DGKB: variants seen among roughly 807,000 people sequenced by gnomAD.
DGKB encodes 90 kDa diacylglycerol kinase.
A neutral mutation model predicts 114.3 loss-of-function variants in DGKB; 67 were observed. The observed-to-expected ratio is 0.59, with a 90% confidence interval of 0.48 to 0.72. The LOEUF (loss-of-function observed/expected upper bound fraction) is 0.72, where lower values mean the gene tolerates loss of function less well. DGKB is among the 30% of genes least tolerant of loss of function. DGKB has a pLI of 0.00. For synonymous variants in DGKB, 398 were observed against 323.1 expected, an observed-to-expected ratio of 1.23 and a Z score of -2.49; for missense variants, 907 against 975.2, an observed-to-expected ratio of 0.93 and a Z score of 0.93.
intron 21 of DGKB, among the ~76,000 whole-genome samples, chr7:14,444,049 A>T (rs1162962044): frequency 6.6e-6 from 1 of 151,314 alleles, no homozygotes; most frequent in Non-Finnish European, 1.5e-5. Context: ...TCTATTGTGG[A>T]TTTTTTCTAA....
At chr7:14,941,615 T>C (rs1434400800) in intron 1 of DGKB, among the ~76,000 whole-genome samples, 1 of 152,038 alleles carries the variant, frequency 6.6e-6, no homozygotes, top group Non-Finnish European at 1.5e-5. Context: ...CTCAAACAAT[T>C]AATGAGGGTG....
At chr7:14,298,671 C>A (rs1038002895) in intron 23 of DGKB, among the ~76,000 whole-genome samples, 1 of 152,114 alleles carries the variant, frequency 6.6e-6, no homozygotes. Context: ...GCAATGGCAA[C>A]AAAAGCCAAA....
chr7:14,313,362 C>G (rs962302636), intron 23 of DGKB, among the ~76,000 whole-genome samples: 14 of 151,946 alleles, frequency 9.2e-5, no homozygotes, highest in Non-Finnish European at 1.6e-4. Flanking sequence ...TCTGAGGTAC[C>G]GGGTTCATCT....
intron 25 of DGKB, among the ~76,000 whole-genome samples, chr7:14,162,500 T>C (rs1784054193): frequency 6.6e-6 from 1 of 152,228 alleles, no homozygotes; most frequent in Admixed American, 6.5e-5. Flanking sequence ...ATTTCTCATT[T>C]AATTTTTAAC....
intron 25 of DGKB, among the ~76,000 whole-genome samples, chr7:14,159,846 T>C (rs1471683424): frequency 2.0e-5 from 3 of 152,044 alleles, no homozygotes; most frequent in Non-Finnish European, 4.4e-5. Context: ...CTAATTTTTG[T>C]ATTTTTAGTA....
intron 20 of DGKB, among the ~76,000 whole-genome samples, chr7:14,482,851 A>T (rs1783185262): frequency 6.6e-6 from 1 of 152,132 alleles, no homozygotes; most frequent in South Asian, 2.1e-4. Flanking sequence ...AATAGCCACA[A>T]GTGGGATTAT....
intron 1 of DGKB, among the ~76,000 whole-genome samples, chr7:14,963,564 T>C (rs1786981833): frequency 6.6e-6 from 1 of 152,196 alleles, no homozygotes; most frequent in African/African-American, 2.4e-5. Flanking sequence ...ATCAGGTGTT[T>C]CCTTAAAAGT....
intron 23 of DGKB, among the ~76,000 whole-genome samples, chr7:14,178,506 C>T (rs1295881952): frequency 6.6e-6 from 1 of 151,192 alleles, no homozygotes; most frequent in Non-Finnish European, 1.5e-5. Context: ...CCACATCAGA[C>T]ATTTGGCAGC....
Position 14,146,026 on chromosome 7 carries a change from C to G in DGKB, c.*3105G>C, listed in dbSNP as rs748804096. 2 of 152,158 alleles carry G rather than the reference C, an allele frequency of 1.3e-5. No homozygotes were observed. The highest frequency in any genetic ancestry group is 2.9e-5 in the Non-Finnish European group (2 of 68,020). The allele number at this position is 152,158 out of a possible 1,614,324, so 9.4% of individuals were successfully genotyped here. A position where few individuals can be genotyped will look rare whatever the true frequency, so the allele number is the denominator to read the frequency against. The stretch of plus-strand genomic sequence containing the variant: ...GTCTGCAGTAGACTAGGCTAAACAT[C>G]TGAGCCTTTTGTTTTATTCTGGCTA... On this transcript the variant is annotated 3_prime_UTR_variant, in exon 26 of 26. Transcript: ENST00000402815.
chr7:14,647,629 A>ACG (rs138158791), intron 13 of DGKB, among the ~76,000 whole-genome samples: 1 of 151,502 alleles, frequency 6.6e-6, no homozygotes, highest in Non-Finnish European at 1.5e-5. Flanking sequence ...AAGATAATTC[A>ACG]TGGGGGAGGA....
intron 23 of DGKB, among the ~76,000 whole-genome samples, chr7:14,333,628 T>A (rs930895650): frequency 1.3e-5 from 2 of 152,170 alleles, no homozygotes; most frequent in African/African-American, 4.8e-5. Context: ...TCAAATAGTA[T>A]GAATGTGTTG....
intron 23 of DGKB, among the ~76,000 whole-genome samples, chr7:14,256,009 T>G (rs1795914608): frequency 6.6e-6 from 1 of 152,212 alleles, no homozygotes; most frequent in South Asian, 2.1e-4. Flanking sequence ...ATTTCTAGCT[T>G]TTTAAGGTAG....
intron 21 of DGKB, among the ~76,000 whole-genome samples, chr7:14,442,364 A>G (rs2128814689): frequency 6.6e-6 from 1 of 152,026 alleles, no homozygotes; most frequent in East Asian, 1.9e-4. Context: ...TGATATTCTT[A>G]ATATTGATTC....
At chr7:14,164,653 T>C (rs2024037) in intron 25 of DGKB, among the ~76,000 whole-genome samples, 122,768 of 152,084 alleles carry the variant, frequency 0.81, 49,973 homozygotes, top group East Asian at 0.94. Context: ...TAAATGATAA[T>C]GAGGAAACAA....
At chr7:14,847,602 ACGTGAG>A (rs1445892245) in intron 1 of DGKB, among the ~76,000 whole-genome samples, 3 of 152,246 alleles carry the variant, frequency 2.0e-5, no homozygotes, top group Non-Finnish European at 4.4e-5. Flanking sequence ...CAGATATGAT[ACGTGAG>A]CTATTAAATT....
Position 14,170,201 on chromosome 7 carries a change from G to GAAAT in DGKB, c.2304+6634_2304+6637dup, listed in dbSNP as rs796489982. 6.2e-3 allele frequency among the ~76,000 whole-genome samples: 879 copies of GAAAT among 142,726 alleles called. 8 individuals are homozygous for GAAAT. The highest frequency in any genetic ancestry group is 0.01 in the Non-Finnish European group (684 of 65,506). The allele number at this position is 142,726 out of a possible 152,430, so 93.6% of individuals were successfully genotyped here. On this transcript the variant is annotated intron_variant, in intron 25 of 25. Transcript: ENST00000402815. ...AGAAAGAAAGAAAGAAAGAAAGAAA[G>GAAAT]AAATACATTAAGCCTCTGAAGAGTG...
chr7:14,330,005 A>G (rs1259167564), intron 23 of DGKB, among the ~76,000 whole-genome samples: 1 of 152,020 alleles, frequency 6.6e-6, no homozygotes, highest in African/African-American at 2.4e-5. Flanking sequence ...ATAAGATGAT[A>G]ATTTTACCAC....
At chr7:14,218,627 A>G (rs566929415) in intron 23 of DGKB, among the ~76,000 whole-genome samples, 1 of 152,060 alleles carries the variant, frequency 6.6e-6, no homozygotes, top group Non-Finnish European at 1.5e-5. Flanking sequence ...GAAGGAAGAT[A>G]AGGGGAAGCT....
chr7:14,201,602 G>A (rs1684607418), intron 23 of DGKB, among the ~76,000 whole-genome samples: 1 of 151,876 alleles, frequency 6.6e-6, no homozygotes, highest in African/African-American at 2.4e-5. Context: ...TGATGATGAT[G>A]TCACCAACTA....
Sources: allele counts gnomAD v4.1 joint callset (sites outside exome capture counted in the v4.1 genomes callset), GRCh38; gene constraint gnomAD v4.1.1; transcripts MANE v1.5; gene names NCBI Gene and HGNC (gene_info 2026-07-23, HGNC 2026-07-21).